Variants in GLG1 observed in about 807,000 individuals in gnomAD.
The protein encoded by GLG1 is Golgi apparatus protein 1.
A neutral mutation model predicts 160.5 loss-of-function variants in GLG1; 38 were observed. The ratio of observed to expected loss-of-function variants is 0.24; its 90% CI spans 0.18 to 0.31. GLG1 has a LOEUF of 0.31. Ranked by LOEUF, GLG1 falls within the 10% of genes least tolerant of loss-of-function variation. The pLI, the probability that GLG1 is intolerant of heterozygous loss-of-function variation, is 1.00. For missense variants in GLG1, 1,373 were observed against 1,505.2 expected (o/e 0.91, Z 1.45); for synonymous variants, 644 against 543.4 (o/e 1.19, Z -2.57).
At chr16:74,592,882 A>T (rs181157610) in intron 1 of GLG1, among the ~76,000 whole-genome samples, 70 of 152,284 alleles carry the variant, frequency 4.6e-4, no homozygotes, top group Admixed American at 4.0e-3. Flanking sequence ...TTAATCCCCA[A>T]TACAAGTGTT....
intron 13 of GLG1, chr16:74,472,740 G>C (rs1040508239): frequency 4.7e-6 from 2 of 426,210 alleles, no homozygotes; most frequent in Admixed American, 6.0e-5. Flanking sequence ...ATGCTAAGTA[G>C]TTCAAAATGA....
At chr16:74,511,194 C>A (rs1383832413) in intron 2 of GLG1, among the ~76,000 whole-genome samples, 1 of 151,856 alleles carries the variant, frequency 6.6e-6, no homozygotes, top group Admixed American at 6.6e-5. Context: ...AGGACAGAGG[C>A]ATATAAAAAG....
intron 4 of GLG1, among the ~76,000 whole-genome samples, chr16:74,498,455 T>TATATATATATATATATATATATATATAA: frequency 1.0e-5 from 1 of 95,576 alleles, no homozygotes; most frequent in Non-Finnish European, 2.0e-5. Context: ...AAAGTATATA[T>TATATATATATATATATATATATATATAA]ATATATATAT....
chr16:74,460,358 T>C (rs551239480), intron 22 of GLG1, among the ~76,000 whole-genome samples: 14 of 152,326 alleles, frequency 9.2e-5, no homozygotes, highest in South Asian at 4.1e-4. Context: ...GGTTTCGCCA[T>C]GTTGGCCAGG....
intron 7 of GLG1, 74 bp downstream of exon 7, chr16:74,492,881 TTA>T: frequency 1.3e-6 from 1 of 787,122 alleles, no homozygotes; most frequent in Non-Finnish European, 1.8e-6. Context: ...AAACTAACGT[TTA>T]TATATATAAA....
chr16:74,486,551 C>A (rs974721221), intron 8 of GLG1, among the ~76,000 whole-genome samples: 1 of 152,178 alleles, frequency 6.6e-6, no homozygotes, highest in Non-Finnish European at 1.5e-5. Context: ...TGTCATTATG[C>A]AGCTGGAAAT....
intron 1 of GLG1, among the ~76,000 whole-genome samples, chr16:74,560,870 C>T (rs2018492681): frequency 6.6e-6 from 1 of 151,590 alleles, no homozygotes; most frequent in Admixed American, 6.6e-5. Context: ...AAGAGAGAAG[C>T]AATTCTGTAT....
intron 3 of GLG1, among the ~76,000 whole-genome samples, 171 bp from the exon 4 acceptor site, chr16:74,503,917 T>C (rs994866773): frequency 1.3e-5 from 2 of 152,224 alleles, no homozygotes; most frequent in Non-Finnish European, 2.9e-5. Context: ...TAGGAATACA[T>C]TCATTTTAAA....
intron 1 of GLG1, among the ~76,000 whole-genome samples, chr16:74,542,790 G>A (rs1205585160): frequency 7.2e-6 from 1 of 139,676 alleles, no homozygotes; most frequent in African/African-American, 2.9e-5. Context: ...AGGAAGGAAG[G>A]AAGGAAGGAA....
intron 16 of GLG1, 147 bp from the exon 17 acceptor site, chr16:74,469,210 A>G: frequency 1.6e-6 from 1 of 624,384 alleles, no homozygotes; most frequent in South Asian, 1.9e-5. Context: ...ATTTTTTTTC[A>G]GGGTGCTAAA....
At chr16:74,599,081 T>C (rs1958376468) in intron 1 of GLG1, among the ~76,000 whole-genome samples, 1 of 152,168 alleles carries the variant, frequency 6.6e-6, no homozygotes, top group Admixed American at 6.6e-5. Flanking sequence ...AACTATATAC[T>C]GTAAAGCATT....
chr16:74,547,081 G>A (rs2018069415), intron 1 of GLG1, among the ~76,000 whole-genome samples: 1 of 152,078 alleles, frequency 6.6e-6, no homozygotes, highest in South Asian at 2.1e-4. Context: ...CCTGGTTTAA[G>A]ACAGTCTTTT....
At chr16:74,565,228 C>T (rs990274997) in intron 1 of GLG1, among the ~76,000 whole-genome samples, 5 of 152,162 alleles carry the variant, frequency 3.3e-5, no homozygotes, top group South Asian at 2.1e-4. Flanking sequence ...ACTTGGGAGG[C>T]TGAGACATGA....
intron 1 of GLG1, among the ~76,000 whole-genome samples, chr16:74,577,744 G>A (rs535613638): frequency 1.3e-4 from 20 of 152,042 alleles, no homozygotes; most frequent in South Asian, 2.1e-4. Flanking sequence ...CTGAGTAACT[G>A]GGACCACAGG....
intron 16 of GLG1, chr16:74,469,355 C>T (rs1266871853): frequency 2.3e-6 from 1 of 429,132 alleles, no homozygotes; most frequent in African/African-American, 2.0e-5. Flanking sequence ...AAACATGTGA[C>T]CACAGAGGAA....
intron 2 of GLG1, among the ~76,000 whole-genome samples, chr16:74,531,284 G>A (rs1206916555): frequency 1.3e-5 from 2 of 152,024 alleles, no homozygotes; most frequent in East Asian, 3.9e-4. Flanking sequence ...ACATATAGAT[G>A]CCTCTTCTAA....
At position 74,469,113 on chromosome 16, in the gene GLG1, G is replaced by C. The variant is rs767789035; in HGVS notation, c.2319-50C>G. On this transcript the variant is annotated intron_variant, in intron 16 of 25. Coordinates refer to ENST00000422840, the MANE Select transcript of GLG1 (RefSeq NM_001145667.2). ...TGGCTGGGGCCACACAAGGGCAGAT[G>C]GCCTGAGAGCTGGGCTTGGGGGGGG... is the stretch of plus-strand genomic sequence containing the variant. 34 of 1,233,700 alleles carry C rather than the reference G, an allele frequency of 2.8e-5. No individual in the cohort carries two copies. In the East Asian group the frequency reaches 7.9e-4, roughly 29 times the overall value. 76.4% of individuals were successfully genotyped at this position (1,233,700 alleles called of 1,614,324 possible).
rs1361475268 is a variant in GLG1 at position 74,453,008 on chromosome 16, G to A, written c.*159C>T. On this transcript the variant is annotated 3_prime_UTR_variant, in exon 26 of 26. Coordinates refer to ENST00000422840, the MANE Select transcript of GLG1 (RefSeq NM_001145667.2). Reference sequence around the variant, plus strand: ...AGGAGGAGGAGGACACCATGGACACGAGTGGAGGCTGGATGGGACAACGCA... The same window carrying A: ...AGGAGGAGGAGGACACCATGGACACAAGTGGAGGCTGGATGGGACAACGCA... 5.1e-6 allele frequency: 7 copies of A among 1,369,964 alleles called. No individual in the cohort carries two copies. The East Asian group carries it at 8.0e-5, about 16-fold the overall frequency. 84.9% of individuals were successfully genotyped at this position (1,369,964 alleles called of 1,614,324 possible). A position where few individuals can be genotyped will look rare whatever the true frequency, so the allele number is the denominator to read the frequency against.
chr16:74,480,417 A>G, intron 10 of GLG1, 23 bp from the exon 11 acceptor site: 1 of 1,565,932 alleles, frequency 6.4e-7, no homozygotes, highest in East Asian at 2.2e-5. Flanking sequence ...GAGTTAAAAG[A>G]TAACCACTAA....
Sources: gnomAD v4.1 joint callset for allele counts (sites outside exome capture counted in the v4.1 genomes callset) on GRCh38, gnomAD v4.1.1 for gene constraint, MANE v1.5 for transcripts, NCBI Gene and HGNC (gene_info 2026-07-23, HGNC 2026-07-21) for gene names.